NRCAM: variants seen among roughly 807,000 people sequenced by gnomAD.
NRCAM encodes the protein NgCAM-related cell adhesion molecule.
NRCAM carries 83 observed loss-of-function variants against 156.5 expected under a neutral mutation model. That is an observed-to-expected ratio of 0.53 (90% CI 0.44 to 0.64). The LOEUF is 0.64. Ranked by LOEUF, NRCAM falls within the 30% of genes least tolerant of loss-of-function variation. The probability of loss-of-function intolerance (pLI) is 0.00; values close to 1 mark genes in which losing one functional copy is unlikely to be tolerated. For missense variants in NRCAM, 1,417 were observed against 1,597.3 expected (o/e 0.89, Z 1.92); for synonymous variants, 538 against 563.9 (o/e 0.95, Z 0.65).
chr7:108,163,372 CTT>C (rs1049068198), intron 30 of NRCAM, among the ~76,000 whole-genome samples: 3 of 152,120 alleles, frequency 2.0e-5, no homozygotes, highest in Non-Finnish European at 4.4e-5. Flanking sequence ...GGAAAATGCT[CTT>C]GAGTCCTCAG....
At chr7:108,152,413 G>T (rs563327959) in intron 32 of NRCAM, among the ~76,000 whole-genome samples, 23 of 152,028 alleles carry the variant, frequency 1.5e-4, no homozygotes, top group South Asian at 4.2e-4. Flanking sequence ...TGGTGTGGCT[G>T]GGGGGAGGGA....
intron 1 of NRCAM, among the ~76,000 whole-genome samples, chr7:108,432,844 G>T (rs1015388268): frequency 6.6e-6 from 1 of 151,960 alleles, no homozygotes; most frequent in African/African-American, 2.4e-5. Flanking sequence ...AGAGGTTGCC[G>T]TAAGCACCAC....
intron 2 of NRCAM, among the ~76,000 whole-genome samples, chr7:108,392,809 T>A (rs1050309217): frequency 1.3e-5 from 2 of 152,190 alleles, no homozygotes; most frequent in African/African-American, 4.8e-5. Flanking sequence ...CGGCTGCAGG[T>A]CTGTTGGGGT....
At chr7:108,163,582 G>A (rs113398943) in intron 30 of NRCAM, among the ~76,000 whole-genome samples, 2,165 of 152,270 alleles carry the variant, frequency 0.014, 58 homozygotes, top group African/African-American at 0.05. Context: ...GTTGGGCCTC[G>A]TGAAAACAAA....
At chr7:108,430,760 C>T (rs1293079607) in intron 1 of NRCAM, among the ~76,000 whole-genome samples, 1 of 152,058 alleles carries the variant, frequency 6.6e-6, no homozygotes, top group Non-Finnish European at 1.5e-5. Context: ...GTCTGGCAAA[C>T]TTCTAATTAT....
At chr7:108,236,462 A>G (rs2095023594) in intron 5 of NRCAM, among the ~76,000 whole-genome samples, 1 of 151,392 alleles carries the variant, frequency 6.6e-6, no homozygotes, top group Non-Finnish European at 1.5e-5. Context: ...TCATTTTTCT[A>G]GCCTTGTCAG....
intron 1 of NRCAM, among the ~76,000 whole-genome samples, chr7:108,402,697 T>C (rs972038556): frequency 6.6e-6 from 1 of 152,186 alleles, no homozygotes; most frequent in Non-Finnish European, 1.5e-5. Flanking sequence ...CATATTCTAA[T>C]GTTAACTTCC....
chr7:108,224,479 T>A lies in NRCAM; in HGVS notation c.779-643A>T, dbSNP rs551883814. On this transcript the variant is annotated intron_variant, in intron 10 of 32. Coordinates refer to ENST00000379028, the MANE Select transcript of NRCAM (RefSeq NM_001037132.4). ...TTCCTCAATAAAAAAATAAAGAGGATCCAAGTCAAAGATCTTAGGGATAGT... is the reference window on the plus strand; with the variant it reads ...TTCCTCAATAAAAAAATAAAGAGGAACCAAGTCAAAGATCTTAGGGATAGT... Among the ~76,000 whole-genome samples, 37 of 152,034 alleles carry A rather than the reference T, an allele frequency of 2.4e-4. 1 individual carries two copies. The highest frequency in any genetic ancestry group is 8.9e-4 in the African/African-American group (37 of 41,420).
intron 3 of NRCAM, among the ~76,000 whole-genome samples, chr7:108,289,995 A>G (rs936429061): frequency 1.3e-5 from 2 of 152,160 alleles, no homozygotes; most frequent in African/African-American, 4.8e-5. Flanking sequence ...CATGAAGAGA[A>G]AGAGATTCCC....
intron 3 of NRCAM, among the ~76,000 whole-genome samples, chr7:108,305,763 T>C (rs1372241776): frequency 6.6e-6 from 1 of 152,218 alleles, no homozygotes. Context: ...AAAATGCATA[T>C]CTAATTATAC....
At chr7:108,277,000 GTT>G (rs2097656983) in intron 3 of NRCAM, among the ~76,000 whole-genome samples, 1 of 152,122 alleles carries the variant, frequency 6.6e-6, no homozygotes, top group Admixed American at 6.5e-5. Context: ...TTGAAGCTTA[GTT>G]TGGCTGGATA....
chr7:108,456,496 C>T (rs984392209), upstream of NRCAM: 5 of 151,792 alleles, frequency 3.3e-5, no homozygotes, highest in African/African-American at 9.7e-5. Flanking sequence ...CTCCCCGCGC[C>T]GTGCTTTTGC....
intron 3 of NRCAM, among the ~76,000 whole-genome samples, chr7:108,293,608 T>G (rs1488079263): frequency 6.6e-6 from 1 of 152,242 alleles, no homozygotes; most frequent in Non-Finnish European, 1.5e-5. Flanking sequence ...TTTAAAACCC[T>G]TATGATTGTC....
intron 2 of NRCAM, among the ~76,000 whole-genome samples, chr7:108,375,273 GAATGAATC>G (rs1235981407): frequency 6.6e-6 from 1 of 152,028 alleles, no homozygotes; most frequent in African/African-American, 2.4e-5. Flanking sequence ...TTTGAATACT[GAATGAATC>G]AATGAATAAT....
At chr7:108,168,196 A>G in intron 29 of NRCAM, 81 bp downstream of exon 29, 2 of 1,343,264 alleles carry the variant, frequency 1.5e-6, no homozygotes, top group Non-Finnish European at 9.8e-7. Context: ...GATGATCCAT[A>G]GTAAATTCTT....
At chr7:108,232,166 G>A (rs2094420761) in intron 7 of NRCAM, among the ~76,000 whole-genome samples, 160 bp downstream of exon 7, 1 of 152,190 alleles carries the variant, frequency 6.6e-6, no homozygotes, top group Non-Finnish European at 1.5e-5. Context: ...AGCTTCCTAG[G>A]GTAAGGTGGA....
intron 13 of NRCAM, among the ~76,000 whole-genome samples, chr7:108,202,286 T>C (rs1009647418): frequency 2.0e-5 from 3 of 152,164 alleles, no homozygotes; most frequent in Non-Finnish European, 4.4e-5. Context: ...TTTCAACATA[T>C]AGATAATGAG....
intron 2 of NRCAM, among the ~76,000 whole-genome samples, chr7:108,325,913 CA>C (rs2099063889): frequency 6.6e-6 from 1 of 151,494 alleles, no homozygotes; most frequent in Non-Finnish European, 1.5e-5. Context: ...GTAAGATACA[CA>C]AAAGATGAAT....
chr7:108,340,624 G>A lies in NRCAM; in HGVS notation c.-173-27893C>T, dbSNP rs115704300. ...TCACTGGGACACAGAATCAAAACAC[G>A]GAGATTGGTGCCGCAGACATTTGCT... On this transcript the variant is annotated intron_variant, in intron 2 of 32. Transcript: ENST00000379028. 5.7e-3 allele frequency among the ~76,000 whole-genome samples: 865 copies of A among 152,248 alleles called. 8 individuals carry two copies. Among genetic ancestry groups the A allele is most frequent in the African/African-American group, 0.02 (822 of 41,548 alleles).
Sources: gnomAD v4.1 joint callset for allele counts (sites outside exome capture counted in the v4.1 genomes callset) on GRCh38, gnomAD v4.1.1 for gene constraint, MANE v1.5 for transcripts, NCBI Gene and HGNC (gene_info 2026-07-23, HGNC 2026-07-21) for gene names.